Variants in KCNU1 observed in about 807,000 individuals in gnomAD.
KCNU1 encodes potassium calcium-activated channel subfamily U member 1, also known as potassium channel subfamily U member 1.
In KCNU1, 93 loss-of-function variants were observed where a neutral mutation model predicts 126.8. The observed-to-expected ratio is 0.73, with a 90% CI of 0.62 to 0.87. KCNU1 has a LOEUF of 0.87. Among genes scored for constraint, KCNU1 ranks in the 40% least tolerant of loss-of-function variants. KCNU1 has a pLI of 0.00. For synonymous variants in KCNU1, 523 were observed against 494.2 expected (o/e 1.06, Z -0.77); for missense variants, 1,330 against 1,367.1 (o/e 0.97, Z 0.43).
chr8:36,835,356 T>A (rs948178393), intron 12 of KCNU1, among the ~76,000 whole-genome samples: 14 of 151,930 alleles, frequency 9.2e-5, no homozygotes, highest in Admixed American at 2.6e-4. Flanking sequence ...TTCTTTTTTT[T>A]TTTTTGAGAC....
intron 20 of KCNU1, among the ~76,000 whole-genome samples, chr8:36,907,956 T>C (rs1415058483): frequency 2.6e-5 from 4 of 152,212 alleles, no homozygotes; most frequent in Non-Finnish European, 5.9e-5. Flanking sequence ...GAATATATTA[T>C]GTCCTACAAC....
chr8:36,840,577 T>G lies in KCNU1; in HGVS notation c.1631+2T>G, dbSNP rs1317396010. 1 of 1,543,218 alleles carries G rather than the reference T, an allele frequency of 6.5e-7. No individual in the cohort carries two copies. The highest frequency in any genetic ancestry group is 2.3e-5 in the East Asian group (1 of 44,436). ...AATGAGCTTTCCTGAAGTTGCCCGGTAAGTGAAGTGAAATACTTCCCTCAT... is the reference window on the plus strand; with the variant it reads ...AATGAGCTTTCCTGAAGTTGCCCGGGAAGTGAAGTGAAATACTTCCCTCAT... On this transcript the variant is annotated splice_donor_variant, in intron 15 of 26. Coordinates refer to ENST00000399881, the MANE Select transcript of KCNU1 (RefSeq NM_001031836.3). LOFTEE classifies it high-confidence loss of function.
intron 21 of KCNU1, 139 bp downstream of exon 21, chr8:36,909,674 T>A: frequency 1.7e-6 from 1 of 605,352 alleles, no homozygotes; most frequent in Admixed American, 3.1e-5. Context: ...CTATATTAAT[T>A]CACTTAATCT....
intron 19 of KCNU1, among the ~76,000 whole-genome samples, chr8:36,905,274 A>G (rs964571677): frequency 5.3e-5 from 8 of 152,250 alleles, no homozygotes; most frequent in African/African-American, 1.9e-4. Flanking sequence ...ATACATGGAA[A>G]GGAGACAGGA....
chr8:36,836,799 C>G lies in KCNU1; in HGVS notation c.1372C>G (p.Leu458Val), dbSNP rs1804764989. ...GCTTTGTGCTATGGAACAGGTTTAT[C>G]TGCCAAAGATTCCCAGCTGGAACTG... ...QILQSHNKVY[L>V]PKIPSWNWDT... Residue 458 changes from leucine (L) to valine (V), a missense_variant, in exon 14 of 27, where the codon CTG becomes GTG. Physicochemically the swap from Leu to Val is conservative, Grantham distance 32. Coordinates refer to ENST00000399881, the MANE Select transcript of KCNU1 (RefSeq NM_001031836.3). The G allele has an allele frequency of 1.2e-6, 2 of 1,613,690 alleles. No individual in the cohort carries two copies. Among genetic ancestry groups the G allele is most frequent in the Non-Finnish European group, 1.7e-6 (2 of 1,179,708 alleles).
At chr8:36,917,517 ATT>A (rs112813620) in intron 22 of KCNU1, among the ~76,000 whole-genome samples, 1 of 146,872 alleles carries the variant, frequency 6.8e-6, no homozygotes, top group Non-Finnish European at 1.5e-5. Flanking sequence ...CACCCAGCTA[ATT>A]TTTTTTTTTT....
chr8:36,907,873 AG>A (rs1210401824), intron 20 of KCNU1, among the ~76,000 whole-genome samples: 5 of 152,242 alleles, frequency 3.3e-5, no homozygotes, highest in African/African-American at 1.2e-4. Context: ...TTGAAAATAT[AG>A]AAATTCAATA....
intron 19 of KCNU1, among the ~76,000 whole-genome samples, chr8:36,887,179 G>A (rs1191329585): frequency 1.3e-5 from 2 of 152,148 alleles, no homozygotes; most frequent in Admixed American, 6.5e-5. Flanking sequence ...TGGGATTGCT[G>A]AATTGAATGG....
chr8:36,849,199 C>A (rs1313711862), intron 18 of KCNU1, among the ~76,000 whole-genome samples: 3 of 151,278 alleles, frequency 2.0e-5, no homozygotes, highest in African/African-American at 2.4e-5. Context: ...ATTTCACACA[C>A]AAAAAAAACA....
intron 9 of KCNU1, 63 bp from the exon 10 acceptor site, chr8:36,817,585 TAA>T: frequency 1.3e-6 from 1 of 768,124 alleles, no homozygotes; most frequent in South Asian, 1.5e-5. Flanking sequence ...TATTTATCTC[TAA>T]ATGCTGACAG....
chr8:36,841,113 T>G, intron 16 of KCNU1, 110 bp downstream of exon 16: 1 of 757,778 alleles, frequency 1.3e-6, no homozygotes, highest in Non-Finnish European at 2.2e-6. Flanking sequence ...AACTAAGCTT[T>G]TTCCCTTTGG....
At position 36,815,694 on chromosome 8, in the gene KCNU1, A is replaced by G. The variant is rs751795690; in HGVS notation, c.995+7A>G. On this transcript the variant is annotated splice_region_variant and intron_variant, in intron 9 of 26. Coordinates refer to ENST00000399881, the MANE Select transcript of KCNU1 (RefSeq NM_001031836.3). ...AAGCACTCAAAGGAAAGAAGTAAGT[A>G]GTGTTTTAAGTATAATTTCTACAGT... 3 of 1,436,760 alleles carry G rather than the reference A, an allele frequency of 2.1e-6. No individual in the cohort carries two copies. The highest frequency in any genetic ancestry group is 2.9e-6 in the Non-Finnish European group (3 of 1,033,106). 89.0% of individuals were successfully genotyped at this position (1,436,760 alleles called of 1,614,324 possible).
At chr8:36,874,995 C>A (rs1806227873) in intron 19 of KCNU1, among the ~76,000 whole-genome samples, 1 of 151,884 alleles carries the variant, frequency 6.6e-6, no homozygotes, top group African/African-American at 2.4e-5. Context: ...AGGTTGTTGC[C>A]CTTCTGCTTC....
intron 19 of KCNU1, among the ~76,000 whole-genome samples, chr8:36,894,560 G>A (rs1807106478): frequency 6.6e-6 from 1 of 152,070 alleles, no homozygotes. Flanking sequence ...TTAAAAATGA[G>A]GAAAATAGTT....
At position 36,892,336 on chromosome 8, in the gene KCNU1, A is replaced by T. The variant is rs183111173; in HGVS notation, c.2010-13372A>T. 4.4e-3 allele frequency among the ~76,000 whole-genome samples: 665 copies of T among 151,960 alleles called. 10 individuals carry two copies. Among genetic ancestry groups the T allele is most frequent in the African/African-American group, 0.015 (638 of 41,460 alleles). ...TTTCTTATAATCTATCTCCTCACTG[A>T]TATTTTGTATTCAGTGCTATATTGT... On this transcript the variant is annotated intron_variant, in intron 19 of 26. Coordinates refer to ENST00000399881, the MANE Select transcript of KCNU1 (RefSeq NM_001031836.3).
chr8:36,899,438 C>T (rs980779611), intron 19 of KCNU1, among the ~76,000 whole-genome samples: 3 of 152,108 alleles, frequency 2.0e-5, no homozygotes, highest in Non-Finnish European at 4.4e-5. Flanking sequence ...ACACAGTTTA[C>T]ATTCTCCTAC....
chr8:36,843,294 CAG>C (rs776836422), intron 16 of KCNU1, among the ~76,000 whole-genome samples: 1 of 152,184 alleles, frequency 6.6e-6, no homozygotes, highest in African/African-American at 2.4e-5. Context: ...TCTATGGAAA[CAG>C]AGATTTAACT....
chr8:36,885,488 G>C (rs1806661105), intron 19 of KCNU1, among the ~76,000 whole-genome samples: 1 of 152,120 alleles, frequency 6.6e-6, no homozygotes, highest in Non-Finnish European at 1.5e-5. Flanking sequence ...CCAGGAGAAG[G>C]AGGTTGCAGT....
chr8:36,872,451 G>T (rs937300064), intron 19 of KCNU1, among the ~76,000 whole-genome samples: 1 of 152,138 alleles, frequency 6.6e-6, no homozygotes, highest in African/African-American at 2.4e-5. Flanking sequence ...TATGGTGGGG[G>T]CTCCAGCAGT....
Sources: gnomAD v4.1 joint callset for allele counts (sites outside exome capture counted in the v4.1 genomes callset) on GRCh38, gnomAD v4.1.1 for gene constraint, MANE v1.5 for transcripts, NCBI Gene and HGNC (gene_info 2026-07-23, HGNC 2026-07-21) for gene names.